Variants in PTN observed in about 807,000 individuals in gnomAD.
The protein encoded by PTN is pleiotrophin.
Under a neutral mutation model 24.1 loss-of-function variants are expected in PTN, and 18 were observed. The ratio of observed to expected loss-of-function variants is 0.75; its 90% CI spans 0.52 to 1.11. The LOEUF is 1.11. Among genes scored for constraint, PTN ranks in the 50% least tolerant of loss-of-function variants. The pLI is 0.00. For synonymous variants in PTN, 78 were observed against 68.6 expected, an observed-to-expected ratio of 1.14 and a Z score of -0.67; for missense variants, 163 against 198.8, an observed-to-expected ratio of 0.82 and a Z score of 1.08.
At chr7:137,258,827 C>G (rs1585016544) in intron 1 of PTN, among the ~76,000 whole-genome samples, 1 of 152,080 alleles carries the variant, frequency 6.6e-6, no homozygotes, top group Non-Finnish European at 1.5e-5. Context: ...TACCTGTTCT[C>G]CAACAGACTG....
At chr7:137,326,909 T>C (rs895537023) in intron 1 of PTN, 1 of 152,006 alleles carries the variant, frequency 6.6e-6, no homozygotes, top group African/African-American at 2.4e-5. Flanking sequence ...AGAGCCCAGC[T>C]CATTGTGTGC....
chr7:137,274,922 A>G (rs1809337904), intron 1 of PTN, among the ~76,000 whole-genome samples: 1 of 152,200 alleles, frequency 6.6e-6, no homozygotes. Flanking sequence ...TGGCTTCATC[A>G]CTTCTTATAT....
At chr7:137,262,417 T>C (rs1183070774) in intron 1 of PTN, among the ~76,000 whole-genome samples, 4 of 152,182 alleles carry the variant, frequency 2.6e-5, no homozygotes, top group Non-Finnish European at 5.9e-5. Context: ...TGTCACCTCA[T>C]TGCTGAGTTT....
intron 4 of PTN, among the ~76,000 whole-genome samples, chr7:137,250,770 A>C (rs566037649): frequency 6.6e-6 from 1 of 152,238 alleles, no homozygotes; most frequent in Non-Finnish European, 1.5e-5. Flanking sequence ...CAAATGCAGA[A>C]CCCATTAAGT....
At position 137,259,930 on chromosome 7, in the gene PTN, A is replaced by G. The variant is rs1409031676; in HGVS notation, c.-1-4956T>C. On this transcript the variant is annotated intron_variant, in intron 1 of 4. Coordinates refer to ENST00000348225, the MANE Select transcript of PTN (RefSeq NM_002825.7). ...ATAAGAAAAAACATCTCACTTTGCA[A>G]CTACATATTATACCCTTCATGTGAT... Among the ~76,000 whole-genome samples the G allele has an allele frequency of 2.6e-5, 4 of 152,106 alleles. No individual in the cohort carries two copies. The East Asian group carries it at 7.7e-4, about 29-fold the overall frequency.
At chr7:137,303,863 G>T (rs1331367964) in intron 1 of PTN, among the ~76,000 whole-genome samples, 5 of 152,014 alleles carry the variant, frequency 3.3e-5, no homozygotes, top group African/African-American at 1.2e-4. Context: ...AGCCTCTTCA[G>T]TGCTGGTCTT....
chr7:137,285,811 C>T (rs1007833357), intron 1 of PTN, among the ~76,000 whole-genome samples: 15 of 152,224 alleles, frequency 9.9e-5, no homozygotes, highest in African/African-American at 2.4e-4. Context: ...TCTTTCTACC[C>T]GTCTCCAGTA....
chr7:137,337,870 C>A (rs1366463936), intron 1 of PTN, among the ~76,000 whole-genome samples: 1 of 152,124 alleles, frequency 6.6e-6, no homozygotes, highest in African/African-American at 2.4e-5. Flanking sequence ...GGTGGAACAA[C>A]ATGGGCAAAG....
At chr7:137,295,069 G>A (rs1468140352) in intron 1 of PTN, among the ~76,000 whole-genome samples, 2 of 152,074 alleles carry the variant, frequency 1.3e-5, no homozygotes, top group Non-Finnish European at 2.9e-5. Context: ...GCCACTTGTG[G>A]CTATTAAGCC....
At chr7:137,245,982 C>T (rs1021531265) in intron 4 of PTN, among the ~76,000 whole-genome samples, 1 of 152,110 alleles carries the variant, frequency 6.6e-6, no homozygotes, top group African/African-American at 2.4e-5. Context: ...AGCTAAGGTT[C>T]ATTTACTGTT....
At chr7:137,275,965 T>C (rs779402435) in intron 1 of PTN, among the ~76,000 whole-genome samples, 1 of 152,220 alleles carries the variant, frequency 6.6e-6, no homozygotes, top group Non-Finnish European at 1.5e-5. Context: ...ATTAAAAACA[T>C]AATTAACAAA....
intron 4 of PTN, among the ~76,000 whole-genome samples, chr7:137,249,180 C>T (rs79918986): frequency 0.015 from 2,243 of 152,076 alleles, 33 homozygotes; most frequent in East Asian, 0.081. Flanking sequence ...TCACCCAGCC[C>T]CACCATCTTC....
At chr7:137,244,969 T>C (rs915781983) in intron 4 of PTN, among the ~76,000 whole-genome samples, 8 of 152,210 alleles carry the variant, frequency 5.3e-5, no homozygotes, top group Admixed American at 1.3e-4. Context: ...CTTTTAGCCT[T>C]ATTATTACCA....
At chr7:137,280,029 A>T (rs1380696824) in intron 1 of PTN, among the ~76,000 whole-genome samples, 1 of 152,234 alleles carries the variant, frequency 6.6e-6, no homozygotes, top group Non-Finnish European at 1.5e-5. Context: ...CAGATTTCTG[A>T]TCCTCAATCC....
At chr7:137,321,525 C>T (rs146124755) in intron 1 of PTN, among the ~76,000 whole-genome samples, 38 of 152,234 alleles carry the variant, frequency 2.5e-4, no homozygotes, top group African/African-American at 8.4e-4. Context: ...ATTGATGCCA[C>T]GTTCTTAGAT....
intron 1 of PTN, among the ~76,000 whole-genome samples, chr7:137,285,838 G>A (rs1308239473): frequency 6.6e-6 from 1 of 152,212 alleles, no homozygotes; most frequent in Non-Finnish European, 1.5e-5. Context: ...CTAGGCACAT[G>A]GCAAATGGTG....
chr7:137,312,014 C>T (rs1809990292), intron 1 of PTN, among the ~76,000 whole-genome samples: 1 of 152,048 alleles, frequency 6.6e-6, no homozygotes, highest in Admixed American at 6.6e-5. Context: ...GAGGTATGCC[C>T]ATATATCATC....
chr7:137,246,720 C>A (rs1808729692), intron 4 of PTN, among the ~76,000 whole-genome samples: 1 of 152,138 alleles, frequency 6.6e-6, no homozygotes, highest in Non-Finnish European at 1.5e-5. Context: ...CCCAGAAGCT[C>A]AACCCTTTAA....
chr7:137,292,106 T>G (rs1809646945), intron 1 of PTN, among the ~76,000 whole-genome samples: 1 of 152,278 alleles, frequency 6.6e-6, no homozygotes, highest in Admixed American at 6.5e-5. Flanking sequence ...TGCCACTTTA[T>G]GTTCATTGCC....
Sources: gnomAD v4.1 joint callset for allele counts (sites outside exome capture counted in the v4.1 genomes callset) on GRCh38, gnomAD v4.1.1 for gene constraint, MANE v1.5 for transcripts, NCBI Gene and HGNC (gene_info 2026-07-23, HGNC 2026-07-21) for gene names.